TRMT1L: variants seen among roughly 807,000 people sequenced by gnomAD.
The protein encoded by TRMT1L is tRNA methyltransferase 1L, also known as tRNA (guanine(27)-N(2))-dimethyltransferase.
In TRMT1L, 28 loss-of-function variants were observed where a neutral mutation model predicts 81.6. That is an observed-to-expected ratio of 0.34 (90% CI 0.25 to 0.47). The LOEUF is 0.47. Ranked by LOEUF, TRMT1L falls within the 20% of genes least tolerant of loss-of-function variation. TRMT1L has a pLI of 1.00. For missense variants in TRMT1L, 739 were observed against 877.1 expected, an observed-to-expected ratio of 0.84 and a Z score of 1.99; for synonymous variants, 301 against 303.2, an observed-to-expected ratio of 0.99 and a Z score of 0.07.
chr1:185,122,682 ATTTTTTTTTT>A (rs374716894), intron 13 of TRMT1L, among the ~76,000 whole-genome samples: 1 of 118,874 alleles, frequency 8.4e-6, no homozygotes, highest in East Asian at 2.3e-4. Flanking sequence ...CTTAAATCTA[ATTTTTTTTTT>A]TTTTTTTTTT....
intron 4 of TRMT1L, 28 bp downstream of exon 4, chr1:185,147,154 A>G: frequency 6.5e-7 from 1 of 1,536,930 alleles, no homozygotes; most frequent in Admixed American, 1.8e-5. Context: ...ACTAAATTTA[A>G]AAATAAAAAA....
At chr1:185,132,555 T>A (rs1571346421) in intron 10 of TRMT1L, among the ~76,000 whole-genome samples, 1 of 142,000 alleles carries the variant, frequency 7.0e-6, no homozygotes, top group Admixed American at 7.0e-5. Flanking sequence ...TAAAAATAAA[T>A]AAATAAATAA....
At chr1:185,123,804 T>C (rs1652554601) in intron 13 of TRMT1L, 53 bp downstream of exon 13, 7 of 1,083,992 alleles carry the variant, frequency 6.5e-6, no homozygotes. Context: ...CCTTTTGCTA[T>C]ATGCCTTTTT....
At chr1:185,155,627 A>G (rs1653501086) in intron 1 of TRMT1L, among the ~76,000 whole-genome samples, 2 of 152,264 alleles carry the variant, frequency 1.3e-5, no homozygotes, top group Non-Finnish European at 2.9e-5. Context: ...CAGAAAGCAC[A>G]TAAAGGTCAA....
Position 185,119,843 on chromosome 1 carries a change from T to C in TRMT1L, c.*176A>G. ...GTTTGCCTTAAAACAAAAAAAAACT[T>C]GGAAAGCAAAGCTCCCAAACCAGCT... On this transcript the variant is annotated 3_prime_UTR_variant, in exon 15 of 15. Coordinates refer to ENST00000367506, the MANE Select transcript of TRMT1L (RefSeq NM_030934.5). 2.7e-6 allele frequency: 2 copies of C among 741,112 alleles called. No individual in the cohort carries two copies. The highest frequency in any genetic ancestry group is 4.0e-6 in the Non-Finnish European group (2 of 500,456). The allele number at this position is 741,112 out of a possible 1,614,324, so 45.9% of individuals were successfully genotyped here.
In TRMT1L at chr1:185,137,700, A is replaced by C. The variant is rs1652935506; in HGVS notation, c.1419T>G (p.Thr473=). The C allele has an allele frequency of 1.9e-6, 3 of 1,614,052 alleles. No individual in the cohort carries two copies. The highest frequency in any genetic ancestry group is 1.3e-5 in the African/African-American group (1 of 74,952). ...LVVVRVLRGP[T]SADETAKKIQ... is the part of the protein sequence containing the mutation. The stretch of plus-strand genomic sequence containing the variant: ...TCTTCTTGGCTGTTTCATCTGCTGA[A>C]GTAGGTCCCCTCAAAACTCTCACAA... The change falls in exon 10 of 15, where the codon ACT becomes ACG. Residue 473 remains threonine, a synonymous_variant. Transcript: ENST00000367506.
intron 5 of TRMT1L, 75 bp from the exon 6 acceptor site, chr1:185,144,104 AAAT>A: frequency 7.4e-7 from 1 of 1,347,390 alleles, no homozygotes; most frequent in South Asian, 1.5e-5. Context: ...AGAAAACACA[AAAT>A]AATTGTAAAC....
chr1:185,121,601 A>G (rs757184647), intron 13 of TRMT1L, among the ~76,000 whole-genome samples: 12 of 152,208 alleles, frequency 7.9e-5, no homozygotes, highest in Non-Finnish European at 1.6e-4. Flanking sequence ...TTATAATTTG[A>G]AATCTAAAAT....
Position 185,140,089 on chromosome 1 carries a change from A to T in TRMT1L, c.993T>A (p.Ser331Arg), listed in dbSNP as rs761587178. Residue 331 changes from serine to arginine, a missense_variant, in exon 8 of 15, where the codon AGT becomes AGA. Physicochemically the swap from Ser to Arg is moderately radical, Grantham distance 110 (BLOSUM62 -1). Coordinates refer to ENST00000367506, the MANE Select transcript of TRMT1L (RefSeq NM_030934.5). ...HLNKLKVVVD[S>R]KEKEKSDDIL... is the part of the protein sequence containing the mutation. ...TATCATCACTCTTTTCCTTTTCCTT[A>T]CTGTCCACCACCACTTTCAATTTGT... 2 of 1,613,594 alleles carry T rather than the reference A, an allele frequency of 1.2e-6. No individual in the cohort carries two copies. The highest frequency in any genetic ancestry group is 1.7e-6 in the Non-Finnish European group (2 of 1,179,852).
Position 185,120,251 on chromosome 1 carries a change from T to C in TRMT1L, c.1970A>G (p.Tyr657Cys), listed in dbSNP as rs370765259. Residue 657 changes from tyrosine to cysteine, a missense_variant, in exon 15 of 15, where the codon TAT (tyrosine) becomes TGT (cysteine). This residue lies in a region of TRMT1L where 196 missense variants were observed against 232.6 expected (regional missense o/e 0.84). Transcript: ENST00000367506. ...TACTCGAAAGCCTGCTTGAGATAAA[T>C]AGCACAAAAACTTTTTTAACCTGCA... ...NMPKLKKFLC[Y>C]LSQAGFRVSR... The C allele has an allele frequency of 1.5e-5, 23 of 1,569,658 alleles. No individual in the cohort carries two copies. The Admixed American group carries it at 1.9e-4, about 13-fold the overall frequency.
intron 11 of TRMT1L, among the ~76,000 whole-genome samples, chr1:185,126,497 A>G (rs1289822775): frequency 6.6e-6 from 1 of 152,148 alleles, no homozygotes; most frequent in Non-Finnish European, 1.5e-5. Flanking sequence ...AATGTATGGT[A>G]GCTACTATTG....
intron 3 of TRMT1L, among the ~76,000 whole-genome samples, chr1:185,147,449 T>A (rs1172495788): frequency 2.6e-5 from 4 of 152,186 alleles, no homozygotes; most frequent in Admixed American, 2.6e-4. Flanking sequence ...ATATGTTATC[T>A]ATATACACAA....
intron 10 of TRMT1L, among the ~76,000 whole-genome samples, chr1:185,131,055 A>G (rs1225874448): frequency 6.6e-6 from 1 of 151,834 alleles, no homozygotes. Flanking sequence ...GCTCAAGTGC[A>G]GTGGTGCGAT....
chr1:185,123,734 G>A (rs1652552709), intron 13 of TRMT1L, 123 bp downstream of exon 13: 3 of 619,554 alleles, frequency 4.8e-6, no homozygotes, highest in African/African-American at 2.0e-5. Flanking sequence ...CAGTTTTGTT[G>A]TCATATAATA....
chr1:185,137,899 G>A, intron 9 of TRMT1L, 103 bp from the exon 10 acceptor site: 1 of 1,103,496 alleles, frequency 9.1e-7, no homozygotes. Flanking sequence ...GATAAGTTAT[G>A]GGACATCAAG....
chr1:185,124,776 CTA>C, intron 12 of TRMT1L, 166 bp downstream of exon 12: 1 of 506,608 alleles, frequency 2.0e-6, no homozygotes, highest in Non-Finnish European at 3.2e-6. Flanking sequence ...CTGAATAAAA[CTA>C]TGTAATTAAA....
At chr1:185,142,750 A>G (rs754354712) in intron 7 of TRMT1L, among the ~76,000 whole-genome samples, 4 of 152,130 alleles carry the variant, frequency 2.6e-5, no homozygotes, top group Non-Finnish European at 5.9e-5. Flanking sequence ...TAACAATACA[A>G]TCAGCAAAAA....
intron 1 of TRMT1L, among the ~76,000 whole-genome samples, chr1:185,153,183 G>A (rs1653408620): frequency 6.6e-6 from 1 of 152,046 alleles, no homozygotes. Flanking sequence ...GGTTTCTCAA[G>A]CATTACACAC....
Position 185,124,950 on chromosome 1 carries a change from T to C in TRMT1L, c.1753A>G (p.Lys585Glu). 1 of 1,610,336 alleles carries C rather than the reference T, an allele frequency of 6.2e-7. No individual in the cohort carries two copies. Among genetic ancestry groups the C allele is most frequent in the Non-Finnish European group, 8.5e-7 (1 of 1,177,958 alleles). The change falls in exon 12 of 15, where the codon AAG (lysine) becomes GAG (glutamate). Residue 585 changes from lysine to glutamate, a missense_variant. Coordinates refer to ENST00000367506, the MANE Select transcript of TRMT1L (RefSeq NM_030934.5). ...CTAGCGTTCAGTTAGTCACCTTGCT[T>C]GTTGACATTTGAAGATGCATGAATT... ...FSIHASSNVN[K>E]QEENGVFIKT...
Sources: gnomAD v4.1 joint callset for allele counts (sites outside exome capture counted in the v4.1 genomes callset) on GRCh38, gnomAD v4.1.1 for gene constraint, gnomAD v4.1.1 regional missense constraint, MANE v1.5 for transcripts, NCBI Gene and HGNC (gene_info 2026-07-23, HGNC 2026-07-21) for gene names.